Variants in HS6ST3 observed in about 807,000 individuals in gnomAD.
HS6ST3 encodes heparan-sulfate 6-O-sulfotransferase 3.
A neutral mutation model predicts 36.7 loss-of-function variants in HS6ST3; 12 were observed. The ratio of observed to expected loss-of-function variants is 0.33; its 90% CI spans 0.21 to 0.53. The LOEUF is 0.53. Among genes scored for constraint, HS6ST3 ranks in the 20% least tolerant of loss-of-function variants. HS6ST3 has a pLI of 0.95. For synonymous variants in HS6ST3, 240 were observed against 257.5 expected (o/e 0.93, Z 0.65); for missense variants, 584 against 640.9 (o/e 0.91, Z 0.96).
At chr13:96,133,540 AGCC>A (rs1285490813) in intron 1 of HS6ST3, among the ~76,000 whole-genome samples, 1 of 152,118 alleles carries the variant, frequency 6.6e-6, no homozygotes, top group Non-Finnish European at 1.5e-5. Context: ...CTCCTGCCAC[AGCC>A]GCCAGAGTAG....
At chr13:96,400,079 T>C (rs1035034350) in intron 1 of HS6ST3, among the ~76,000 whole-genome samples, 3 of 152,078 alleles carry the variant, frequency 2.0e-5, no homozygotes, top group Non-Finnish European at 4.4e-5. Context: ...CTCAGGTCTT[T>C]CACCTTTTCA....
At chr13:96,715,331 G>C (rs1594843317) in intron 1 of HS6ST3, among the ~76,000 whole-genome samples, 2 of 152,018 alleles carry the variant, frequency 1.3e-5, no homozygotes, top group African/African-American at 4.8e-5. Context: ...GGAAAGGTGG[G>C]TAGATGATGG....
intron 1 of HS6ST3, among the ~76,000 whole-genome samples, chr13:96,657,330 G>A (rs1388901032): frequency 6.6e-6 from 1 of 152,066 alleles, no homozygotes; most frequent in African/African-American, 2.4e-5. Flanking sequence ...GGAGACTGCA[G>A]TGGGAAGATC....
chr13:96,364,325 T>C (rs1163495017), intron 1 of HS6ST3, among the ~76,000 whole-genome samples: 1 of 152,112 alleles, frequency 6.6e-6, no homozygotes, highest in Non-Finnish European at 1.5e-5. Context: ...TTATTGATAA[T>C]AGTCAAAAGG....
intron 1 of HS6ST3, among the ~76,000 whole-genome samples, chr13:96,661,544 A>C (rs1399345799): frequency 6.6e-6 from 1 of 151,986 alleles, no homozygotes; most frequent in Non-Finnish European, 1.5e-5. Flanking sequence ...TCAGTTTTTT[A>C]ATTTATTCTG....
chr13:96,621,196 A>G (rs536175267), intron 1 of HS6ST3, among the ~76,000 whole-genome samples: 1 of 152,260 alleles, frequency 6.6e-6, no homozygotes, highest in African/African-American at 2.4e-5. Flanking sequence ...GGGAACCTTG[A>G]TATGGTTTGA....
intron 1 of HS6ST3, among the ~76,000 whole-genome samples, chr13:96,524,595 C>G (rs1416203676): frequency 6.6e-6 from 1 of 152,186 alleles, no homozygotes; most frequent in Non-Finnish European, 1.5e-5. Context: ...GGCAGATGCC[C>G]CTTCCCCCAC....
At chr13:96,167,629 G>A (rs181947807) in intron 1 of HS6ST3, among the ~76,000 whole-genome samples, 2 of 152,322 alleles carry the variant, frequency 1.3e-5, no homozygotes, top group Non-Finnish European at 2.9e-5. Flanking sequence ...GAAGCATCTT[G>A]AGGAAAGGTT....
At chr13:96,769,389 G>A (rs1354112779) in intron 1 of HS6ST3, among the ~76,000 whole-genome samples, 1 of 150,874 alleles carries the variant, frequency 6.6e-6, no homozygotes, top group East Asian at 2.0e-4. Context: ...CTGGTGTGTT[G>A]CACCCACTAA....
chr13:96,425,600 C>T (rs190658584), intron 1 of HS6ST3, among the ~76,000 whole-genome samples: 3 of 152,086 alleles, frequency 2.0e-5, no homozygotes, highest in Admixed American at 1.3e-4. Flanking sequence ...CAAAATAGTT[C>T]ATTGTAAACC....
chr13:96,142,082 A>C (rs150210809), intron 1 of HS6ST3, among the ~76,000 whole-genome samples: 2,098 of 151,670 alleles, frequency 0.014, 27 homozygotes, highest in South Asian at 0.052. Flanking sequence ...GAATGTTTTC[A>C]AAATGGGCAT....
intron 1 of HS6ST3, among the ~76,000 whole-genome samples, chr13:96,327,354 G>A (rs563171039): frequency 6.6e-6 from 1 of 151,974 alleles, no homozygotes; most frequent in Non-Finnish European, 1.5e-5. Flanking sequence ...ATTGATTTTT[G>A]TATAAGGTGT....
At chr13:96,367,136 T>C (rs1392835430) in intron 1 of HS6ST3, among the ~76,000 whole-genome samples, 1 of 152,182 alleles carries the variant, frequency 6.6e-6, no homozygotes, top group African/African-American at 2.4e-5. Context: ...CATGAATAAT[T>C]ATGATTTGCA....
chr13:96,529,190 GA>G (rs2056126151), intron 1 of HS6ST3, among the ~76,000 whole-genome samples: 2 of 152,080 alleles, frequency 1.3e-5, no homozygotes, highest in South Asian at 4.1e-4. Context: ...TCTAGAGTTA[GA>G]AATTTGGATT....
intron 1 of HS6ST3, among the ~76,000 whole-genome samples, chr13:96,764,090 C>T (rs1397234098): frequency 3.9e-5 from 6 of 152,282 alleles, no homozygotes; most frequent in Admixed American, 1.3e-4. Context: ...CTCACATTCA[C>T]GTCTTTAGAT....
intron 1 of HS6ST3, among the ~76,000 whole-genome samples, chr13:96,673,284 C>A (rs867107710): frequency 1.5e-4 from 23 of 152,218 alleles, no homozygotes; most frequent in Admixed American, 6.5e-4. Context: ...TTTTGTGATT[C>A]TTAACTTAAT....
At position 96,409,679 on chromosome 13, in the gene HS6ST3, A is replaced by T. The variant is rs1289675437; in HGVS notation, c.707+318110A>T. 2.6e-5 allele frequency among the ~76,000 whole-genome samples: 4 copies of T among 152,194 alleles called. No homozygotes were observed. The East Asian group carries it at 7.7e-4, about 29-fold the overall frequency. On this transcript the variant is annotated intron_variant, in intron 1 of 1. Transcript: ENST00000376705. ...TAACTTTCCATATGCTATGATAAGC[A>T]TCTCATATGAATCATCTCTAATCTT...
At chr13:96,655,758 C>A (rs2056622521) in intron 1 of HS6ST3, among the ~76,000 whole-genome samples, 1 of 151,964 alleles carries the variant, frequency 6.6e-6, no homozygotes, top group Non-Finnish European at 1.5e-5. Flanking sequence ...ATATTTTGTT[C>A]CTGGGAATTG....
intron 1 of HS6ST3, among the ~76,000 whole-genome samples, chr13:96,219,008 GC>G (rs2054441309): frequency 2.0e-5 from 3 of 152,054 alleles, no homozygotes; most frequent in Admixed American, 2.0e-4. Context: ...CCCTGACAGG[GC>G]CGCATCTTTT....
Sources: allele counts gnomAD v4.1 joint callset (sites outside exome capture counted in the v4.1 genomes callset), GRCh38; gene constraint gnomAD v4.1.1; transcripts MANE v1.5; gene names NCBI Gene and HGNC (gene_info 2026-07-23, HGNC 2026-07-21).